Variants in FGGY observed in about 807,000 individuals in gnomAD.
FGGY encodes FGGY carbohydrate kinase domain containing.
A neutral mutation model predicts 71.3 loss-of-function variants in FGGY; 72 were observed. The ratio of observed to expected loss-of-function variants is 1.01; its 90% CI spans 0.84 to 1.23. The LOEUF is 1.23. Among genes scored for constraint, FGGY ranks in the 50% most tolerant of loss-of-function variants. The pLI is 0.00. For synonymous variants in FGGY, 251 were observed against 250.3 expected, an observed-to-expected ratio of 1.00 and a Z score of -0.02; for missense variants, 668 against 682.3, an observed-to-expected ratio of 0.98 and a Z score of 0.23.
intron 5 of FGGY, among the ~76,000 whole-genome samples, chr1:59,422,098 G>C (rs931595443): frequency 6.6e-6 from 1 of 152,162 alleles, no homozygotes; most frequent in Admixed American, 6.5e-5. Flanking sequence ...GTCATTGATG[G>C]CAAGAATCAC....
intron 7 of FGGY, among the ~76,000 whole-genome samples, chr1:59,516,238 C>T (rs2094647483): frequency 6.6e-6 from 1 of 152,126 alleles, no homozygotes; most frequent in Non-Finnish European, 1.5e-5. Context: ...TGGAGGTGAA[C>T]AGATGCCTGA....
chr1:59,468,391 T>G (rs2153539175), intron 6 of FGGY, among the ~76,000 whole-genome samples: 1 of 152,338 alleles, frequency 6.6e-6, no homozygotes, highest in East Asian at 1.9e-4. Context: ...CAATTCTATT[T>G]CATTCCTGTA....
rs376379145 is a variant in FGGY, at chr1:59,649,050, A to C, written c.1221+10675A>C. Among the ~76,000 whole-genome samples, 11 of 151,796 alleles carry C rather than the reference A, an allele frequency of 7.2e-5. No individual in the cohort carries two copies. The East Asian group carries it at 7.7e-4, about 11-fold the overall frequency. ...GTTTTTCTCAGGTTTGTCAAAGATC[A>C]GATAGTTTTAGGTATGCGGCATTAT... On this transcript the variant is annotated intron_variant, in intron 11 of 15. Coordinates refer to ENST00000303721, the MANE Select transcript of FGGY (RefSeq NM_018291.5).
intron 7 of FGGY, among the ~76,000 whole-genome samples, chr1:59,523,865 A>C (rs370067621): frequency 1.5e-4 from 23 of 152,336 alleles, no homozygotes; most frequent in African/African-American, 5.1e-4. Flanking sequence ...GGCAGCAGTG[A>C]CCCATCTGGA....
intron 5 of FGGY, among the ~76,000 whole-genome samples, chr1:59,410,458 C>G (rs952538345): frequency 5.3e-5 from 8 of 152,262 alleles, no homozygotes; most frequent in African/African-American, 1.9e-4. Flanking sequence ...AACCTAAGAC[C>G]TCTTACAATA....
rs769311730 is a variant in FGGY, at chr1:59,461,652, A to G, written c.670+4576A>G. 4.2e-4 allele frequency among the ~76,000 whole-genome samples: 64 copies of G among 152,276 alleles called. 1 individual carries two copies. Among genetic ancestry groups the G allele is most frequent in the South Asian group, 1.5e-3 (7 of 4,818 alleles). On this transcript the variant is annotated intron_variant, in intron 6 of 15. Coordinates refer to ENST00000303721, the MANE Select transcript of FGGY (RefSeq NM_018291.5). ...AGGTTGAAATGAAGGAAAAAATGTTAAGGGGAGCCACAGAGAAAGGTCACA... is the reference window on the plus strand; with the variant it reads ...AGGTTGAAATGAAGGAAAAAATGTTGAGGGGAGCCACAGAGAAAGGTCACA...
At chr1:59,717,362 G>A (rs562608933) in intron 14 of FGGY, among the ~76,000 whole-genome samples, 240 of 152,194 alleles carry the variant, frequency 1.6e-3, no homozygotes, top group African/African-American at 5.5e-3. Flanking sequence ...AAAGTGCCAT[G>A]AATTAAAGAC....
chr1:59,674,580 T>TA (rs1189584135), intron 14 of FGGY, among the ~76,000 whole-genome samples: 1 of 151,982 alleles, frequency 6.6e-6, no homozygotes, highest in African/African-American at 2.4e-5. Context: ...AAAAAGGAAT[T>TA]AAAAGGGAAA....
At chr1:59,546,453 G>C (rs2095522066) in intron 7 of FGGY, among the ~76,000 whole-genome samples, 1 of 151,894 alleles carries the variant, frequency 6.6e-6, no homozygotes. Flanking sequence ...CAGTGGCAGT[G>C]TCAAGGTGTG....
At chr1:59,666,523 A>C (rs2097327471) in intron 12 of FGGY, among the ~76,000 whole-genome samples, 1 of 152,222 alleles carries the variant, frequency 6.6e-6, no homozygotes, top group Non-Finnish European at 1.5e-5. Flanking sequence ...TCACTTCCAT[A>C]ACTCTAAGGC....
chr1:59,486,721 C>CTAAG (rs2093668405), intron 6 of FGGY, among the ~76,000 whole-genome samples: 1 of 152,144 alleles, frequency 6.6e-6, no homozygotes, highest in South Asian at 2.1e-4. Flanking sequence ...GGAGTCTCTC[C>CTAAG]TAAGTAGACC....
chr1:59,627,489 T>TATATATATATATATATATACAC (rs1469493501), intron 10 of FGGY, among the ~76,000 whole-genome samples: 2 of 92,780 alleles, frequency 2.2e-5, no homozygotes, highest in East Asian at 2.9e-4. Flanking sequence ...TATATATATA[T>TATATATATATATATATATACAC]ACACACACAC....
chr1:59,723,521 A>G (rs1034122208), intron 14 of FGGY, among the ~76,000 whole-genome samples: 3 of 141,894 alleles, frequency 2.1e-5, no homozygotes, highest in African/African-American at 7.9e-5. Context: ...ACTGGAAGAC[A>G]GTACTTATAT....
chr1:59,538,114 T>C (rs1376389682), intron 7 of FGGY, among the ~76,000 whole-genome samples: 1 of 152,116 alleles, frequency 6.6e-6, no homozygotes, highest in Non-Finnish European at 1.5e-5. Flanking sequence ...AAAGGGCTAA[T>C]ATCCAGAATC....
At chr1:59,720,448 T>G (rs2097880934) in intron 14 of FGGY, among the ~76,000 whole-genome samples, 2 of 152,246 alleles carry the variant, frequency 1.3e-5, no homozygotes, top group South Asian at 4.1e-4. Context: ...GTTGAGCCAA[T>G]TACTTTAATA....
Position 59,762,500 on chromosome 1 carries a change from C to G in FGGY, c.1575-3C>G, listed in dbSNP as rs1050734478. Reference sequence around the variant, plus strand: ...ATTCAACATATTTATATTTCTCCCACAGATACTATGATAAGAAATACCAAG... The same window carrying G: ...ATTCAACATATTTATATTTCTCCCAGAGATACTATGATAAGAAATACCAAG... On this transcript the variant is annotated splice_polypyrimidine_tract_variant and splice_region_variant and intron_variant, in intron 15 of 15. Coordinates refer to ENST00000303721, the MANE Select transcript of FGGY (RefSeq NM_018291.5). 1.9e-6 allele frequency: 3 copies of G among 1,609,346 alleles called. No homozygotes were observed. Among genetic ancestry groups the G allele is most frequent in the Non-Finnish European group, 2.6e-6 (3 of 1,176,316 alleles).
chr1:59,465,167 A>G (rs939457292), intron 6 of FGGY, among the ~76,000 whole-genome samples: 1 of 152,220 alleles, frequency 6.6e-6, no homozygotes, highest in Admixed American at 6.5e-5. Flanking sequence ...GTCCACCATG[A>G]TCAAGTTGGT....
intron 7 of FGGY, among the ~76,000 whole-genome samples, chr1:59,530,473 A>G (rs1415701026): frequency 1.3e-5 from 2 of 152,166 alleles, no homozygotes; most frequent in Admixed American, 1.3e-4. Context: ...ACAAACAGGC[A>G]AGTAAGCCAT....
intron 4 of FGGY, among the ~76,000 whole-genome samples, chr1:59,358,209 A>C (rs2054714180): frequency 6.6e-6 from 1 of 152,216 alleles, no homozygotes; most frequent in Non-Finnish European, 1.5e-5. Context: ...AAAAAGGTGC[A>C]AAATGGTATT....
Sources: gnomAD v4.1 joint callset for allele counts (sites outside exome capture counted in the v4.1 genomes callset) on GRCh38, gnomAD v4.1.1 for gene constraint, MANE v1.5 for transcripts, NCBI Gene and HGNC (gene_info 2026-07-23, HGNC 2026-07-21) for gene names.